GPC5: variants seen among roughly 807,000 people sequenced by gnomAD.
GPC5 encodes glypican-5.
In GPC5, 47 loss-of-function variants were observed where a neutral mutation model predicts 53.9. The ratio of observed to expected loss-of-function variants is 0.87; its 90% CI spans 0.69 to 1.11. GPC5 has a LOEUF of 1.11. Among genes scored for constraint, GPC5 ranks in the 50% most tolerant of loss-of-function variants. GPC5 has a pLI of 0.00. For missense variants in GPC5, 748 were observed against 713.1 expected (o/e 1.05, Z -0.56); for synonymous variants, 286 against 263.3 (o/e 1.09, Z -0.84).
chr13:91,510,649 A>G (rs1885188812), intron 2 of GPC5, among the ~76,000 whole-genome samples: 1 of 152,206 alleles, frequency 6.6e-6, no homozygotes, highest in Non-Finnish European at 1.5e-5. Context: ...AAGTCTTGCT[A>G]AACTGTTTCC....
chr13:92,242,823 TATG>T (rs1439971800), intron 7 of GPC5, among the ~76,000 whole-genome samples: 1 of 152,176 alleles, frequency 6.6e-6, no homozygotes, highest in African/African-American at 2.4e-5. Context: ...ACGGTCTTTA[TATG>T]ATGACCTGTT....
At chr13:92,126,828 G>GTA (rs2041701504) in intron 6 of GPC5, among the ~76,000 whole-genome samples, 1 of 151,032 alleles carries the variant, frequency 6.6e-6, no homozygotes, top group African/African-American at 2.4e-5. Context: ...GTGTGTGTGT[G>GTA]TGTGTGTATG....
At chr13:91,915,726 G>GT (rs545611247) in intron 6 of GPC5, among the ~76,000 whole-genome samples, 25 of 151,890 alleles carry the variant, frequency 1.6e-4, no homozygotes, top group South Asian at 6.2e-4. Context: ...TTGAAATATG[G>GT]TTTTTTTCAC....
At chr13:92,690,489 C>T (rs1028383062) in intron 7 of GPC5, among the ~76,000 whole-genome samples, 1 of 74,776 alleles carries the variant, frequency 1.3e-5, no homozygotes, top group Non-Finnish European at 2.3e-5. Context: ...TCAAAGTTTT[C>T]AACTTCTTTG....
intron 7 of GPC5, among the ~76,000 whole-genome samples, chr13:92,860,256 T>C (rs1879136980): frequency 6.6e-6 from 1 of 152,126 alleles, no homozygotes; most frequent in African/African-American, 2.4e-5. Context: ...CAAAATTCTG[T>C]TTCACAAGGA....
intron 5 of GPC5, among the ~76,000 whole-genome samples, chr13:91,861,902 G>GT (rs923627994): frequency 7.4e-5 from 11 of 148,944 alleles, no homozygotes; most frequent in East Asian, 6.1e-4. Flanking sequence ...TTACTTGGAG[G>GT]TTTTTTTTTA....
intron 6 of GPC5, among the ~76,000 whole-genome samples, chr13:92,128,932 CAGCCTGGGTGACAG>C (rs1282675468): frequency 1.8e-4 from 28 of 152,092 alleles, no homozygotes; most frequent in African/African-American, 6.3e-4. Flanking sequence ...CACTGCACTC[CAGCCTGGGTGACAG>C]AGTGAGACTC....
At chr13:92,724,497 G>A (rs1276043800) in intron 7 of GPC5, among the ~76,000 whole-genome samples, 1 of 151,526 alleles carries the variant, frequency 6.6e-6, no homozygotes, top group Non-Finnish European at 1.5e-5. Context: ...TAAAGAAAAT[G>A]TGGTATATGT....
chr13:91,753,544 C>T (rs1232200177), intron 4 of GPC5, among the ~76,000 whole-genome samples: 1 of 152,170 alleles, frequency 6.6e-6, no homozygotes, highest in Non-Finnish European at 1.5e-5. Context: ...ACCTAAGTGA[C>T]CTCACTGCTT....
At chr13:92,575,847 G>C (rs1223317515) in intron 7 of GPC5, among the ~76,000 whole-genome samples, 1 of 152,062 alleles carries the variant, frequency 6.6e-6, no homozygotes, top group African/African-American at 2.4e-5. Context: ...TCAGATTCAG[G>C]CTAGATTGAA....
intron 7 of GPC5, among the ~76,000 whole-genome samples, chr13:92,594,274 A>C (rs1883801248): frequency 6.6e-6 from 1 of 152,180 alleles, no homozygotes; most frequent in Non-Finnish European, 1.5e-5. Context: ...TTTACTTCTC[A>C]GCTCATTGAA....
intron 5 of GPC5, among the ~76,000 whole-genome samples, chr13:91,839,943 T>C (rs2038765825): frequency 6.6e-6 from 1 of 152,160 alleles, no homozygotes; most frequent in Non-Finnish European, 1.5e-5. Flanking sequence ...ACTTGCTTTT[T>C]ATAATTACTC....
intron 7 of GPC5, among the ~76,000 whole-genome samples, chr13:92,268,261 T>C (rs1273559627): frequency 6.6e-6 from 1 of 152,026 alleles, no homozygotes; most frequent in African/African-American, 2.4e-5. Flanking sequence ...AAATTAAAAA[T>C]TCTCCCAAAT....
At chr13:91,412,876 A>C (rs1877912706) in intron 1 of GPC5, among the ~76,000 whole-genome samples, 1 of 152,270 alleles carries the variant, frequency 6.6e-6, no homozygotes, top group Non-Finnish European at 1.5e-5. Flanking sequence ...GACAAAATTC[A>C]AACTGATTTA....
intron 7 of GPC5, among the ~76,000 whole-genome samples, chr13:92,741,792 T>C (rs1055920347): frequency 6.6e-6 from 1 of 152,012 alleles, no homozygotes; most frequent in Non-Finnish European, 1.5e-5. Flanking sequence ...TGTGTCCAAG[T>C]GTTCTCATTG....
Position 91,572,017 on chromosome 13 carries a change from A to G in GPC5, c.326-121170A>G, listed in dbSNP as rs532105446. Among the ~76,000 whole-genome samples the G allele has an allele frequency of 1.4e-4, 19 of 136,764 alleles. 1 individual carries two copies. In the East Asian group the frequency reaches 2.0e-3, roughly 14 times the overall value. 89.7% of individuals were successfully genotyped at this position (136,764 alleles called of 152,430 possible). On this transcript the variant is annotated intron_variant, in intron 2 of 7. Transcript: ENST00000377067. ...TATATGTGTATATATGCATATATGC[A>G]TATACGTGTGTATATATGTGTATAT...
intron 6 of GPC5, among the ~76,000 whole-genome samples, chr13:92,026,092 A>G (rs2040798519): frequency 6.6e-6 from 1 of 152,168 alleles, no homozygotes; most frequent in African/African-American, 2.4e-5. Context: ...AAGTAAAGAC[A>G]AGGGGATCAA....
intron 6 of GPC5, among the ~76,000 whole-genome samples, chr13:92,030,295 C>T (rs550183738): frequency 1.3e-5 from 2 of 152,260 alleles, no homozygotes; most frequent in East Asian, 3.9e-4. Flanking sequence ...TAGTTGCAGT[C>T]TTACCTGTTA....
At chr13:91,423,161 T>C (rs1430847860) in intron 1 of GPC5, among the ~76,000 whole-genome samples, 1 of 152,138 alleles carries the variant, frequency 6.6e-6, no homozygotes, top group Non-Finnish European at 1.5e-5. Flanking sequence ...AGGCTAAATA[T>C]AAAAACTATT....
Sources: allele counts gnomAD v4.1 joint callset (sites outside exome capture counted in the v4.1 genomes callset), GRCh38; gene constraint gnomAD v4.1.1; transcripts MANE v1.5; gene names NCBI Gene and HGNC (gene_info 2026-07-23, HGNC 2026-07-21).